The following SLC1A1 variants were observed in gnomAD, a reference collection of about 807,000 sequenced individuals.
SLC1A1 encodes the protein solute carrier family 1 member 1.
SLC1A1 carries 43 observed loss-of-function variants against 53.3 expected under a neutral mutation model. The ratio of observed to expected loss-of-function variants is 0.81; its 90% CI spans 0.63 to 1.04. The LOEUF (loss-of-function observed/expected upper bound fraction) is 1.04, where lower values mean the gene tolerates loss of function less well. Ranked by LOEUF, SLC1A1 falls within the 50% of genes least tolerant of loss-of-function variation. SLC1A1 has a pLI of 0.00. For missense variants in SLC1A1, 748 were observed against 664.9 expected (o/e 1.12, Z -1.37); for synonymous variants, 307 against 243.2 (o/e 1.26, Z -2.44).
At chr9:4,568,118 C>T (rs1046152148) in intron 6 of SLC1A1, among the ~76,000 whole-genome samples, 4 of 151,916 alleles carry the variant, frequency 2.6e-5, no homozygotes, top group African/African-American at 7.3e-5. Context: ...TTGCTGATTT[C>T]GCTGTTTGAA....
At chr9:4,543,239 G>A (rs948827916) in intron 1 of SLC1A1, among the ~76,000 whole-genome samples, 1 of 152,142 alleles carries the variant, frequency 6.6e-6, no homozygotes, top group Non-Finnish European at 1.5e-5. Flanking sequence ...AATTACTTGA[G>A]TTTTTAGGTT....
intron 1 of SLC1A1, among the ~76,000 whole-genome samples, chr9:4,492,114 CTA>C (rs1820256641): frequency 6.6e-6 from 1 of 152,050 alleles, no homozygotes; most frequent in Non-Finnish European, 1.5e-5. Flanking sequence ...CAAATCTTGA[CTA>C]TTTCCCCCAA....
intron 1 of SLC1A1, among the ~76,000 whole-genome samples, chr9:4,533,898 G>C (rs200254282): frequency 6.6e-6 from 1 of 152,040 alleles, no homozygotes; most frequent in Non-Finnish European, 1.5e-5. Context: ...ACTCAGGATT[G>C]AGAAACTCAC....
rs756706252 is a variant in SLC1A1 at position 4,490,639 on chromosome 9, G to T, written c.-41G>T. On this transcript the variant is annotated 5_prime_UTR_variant, in exon 1 of 12. Coordinates refer to ENST00000262352, the MANE Select transcript of SLC1A1 (RefSeq NM_004170.6). ...GCAGTCCCCGGGTCGCCCAGCCCAC[G>T]CGCGCACGGCCGAGCCCAGCGCACA... The T allele has an allele frequency of 6.4e-7, 1 of 1,569,494 alleles. No homozygotes were observed. The highest frequency in any genetic ancestry group is 8.7e-7 in the Non-Finnish European group (1 of 1,143,322).
chr9:4,581,404 T>C (rs1290427108), intron 10 of SLC1A1, among the ~76,000 whole-genome samples: 1 of 152,248 alleles, frequency 6.6e-6, no homozygotes, highest in Non-Finnish European at 1.5e-5. Flanking sequence ...TGAAGGTTCA[T>C]AGTTCTGAGT....
intron 1 of SLC1A1, among the ~76,000 whole-genome samples, chr9:4,532,010 G>C (rs1226968549): frequency 6.6e-6 from 1 of 152,134 alleles, no homozygotes; most frequent in African/African-American, 2.4e-5. Flanking sequence ...CCGTTAGAAG[G>C]AAAACTAACA....
At chr9:4,498,895 GT>G (rs1820534395) in intron 1 of SLC1A1, among the ~76,000 whole-genome samples, 1 of 145,640 alleles carries the variant, frequency 6.9e-6, no homozygotes, top group Admixed American at 7.0e-5. Context: ...CTCTGTCTCT[GT>G]ATATATTACA....
At chr9:4,512,635 T>C (rs966077533) in intron 1 of SLC1A1, among the ~76,000 whole-genome samples, 1 of 152,154 alleles carries the variant, frequency 6.6e-6, no homozygotes, top group African/African-American at 2.4e-5. Context: ...TTTCAAGATA[T>C]CAAGTGTAAT....
chr9:4,513,695 C>A (rs1821069151), intron 1 of SLC1A1, among the ~76,000 whole-genome samples: 1 of 152,198 alleles, frequency 6.6e-6, no homozygotes, highest in African/African-American at 2.4e-5. Flanking sequence ...CAGTCCCACT[C>A]CTGTGTATAG....
Position 4,549,722 on chromosome 9 carries a change from G to A in SLC1A1, c.232+5015G>A, listed in dbSNP as rs1021034551. Among the ~76,000 whole-genome samples, 8 of 152,084 alleles carry A rather than the reference G, an allele frequency of 5.3e-5. No homozygotes were observed. The highest frequency in any genetic ancestry group is 7.4e-5 in the Non-Finnish European group (5 of 68,016). On this transcript the variant is annotated intron_variant, in intron 2 of 11. Coordinates refer to ENST00000262352, the MANE Select transcript of SLC1A1 (RefSeq NM_004170.6). This position sits in a 1 kb window ranked among gnomAD's most constrained non-coding sequence, Gnocchi z 4.1. ...CCACTTCAGAGAAAACCCCCCTCAC[G>A]GCCACAGGGGGATAGCCTTTCCTCG...
At position 4,490,639 on chromosome 9, in the gene SLC1A1, G is replaced by C. The variant is rs756706252; in HGVS notation, c.-41G>C. 3 of 1,569,380 alleles carry C rather than the reference G, an allele frequency of 1.9e-6. 1 individual carries two copies. Among genetic ancestry groups the C allele is most frequent in the South Asian group, 2.2e-5 (2 of 89,198 alleles). ...GCAGTCCCCGGGTCGCCCAGCCCAC[G>C]CGCGCACGGCCGAGCCCAGCGCACA... On this transcript the variant is annotated 5_prime_UTR_variant, in exon 1 of 12. Transcript: ENST00000262352.
At chr9:4,544,930 G>T (rs1817342942) in intron 2 of SLC1A1, among the ~76,000 whole-genome samples, 1 of 152,168 alleles carries the variant, frequency 6.6e-6, no homozygotes, top group Admixed American at 6.5e-5. Context: ...GGCGAAGCAG[G>T]AAGAGCCCGT....
At chr9:4,554,799 C>T (rs1479691096) in intron 2 of SLC1A1, among the ~76,000 whole-genome samples, 1 of 152,194 alleles carries the variant, frequency 6.6e-6, no homozygotes, top group East Asian at 1.9e-4. Context: ...TAAAGGATCT[C>T]TTTAGTGACC....
chr9:4,498,248 ACTG>A (rs1403618741), intron 1 of SLC1A1, among the ~76,000 whole-genome samples: 8 of 152,164 alleles, frequency 5.3e-5, no homozygotes, highest in African/African-American at 1.9e-4. Context: ...CTGTGTTTGA[ACTG>A]CTGATCAGTG....
intron 1 of SLC1A1, among the ~76,000 whole-genome samples, chr9:4,519,603 G>A (rs766965692): frequency 6.6e-6 from 1 of 152,138 alleles, no homozygotes; most frequent in Non-Finnish European, 1.5e-5. Flanking sequence ...CTTCCTGCAG[G>A]CCAAGGGCAG....
At chr9:4,560,085 G>C (rs1421608344) in intron 2 of SLC1A1, 1 of 152,180 alleles carries the variant, frequency 6.6e-6, no homozygotes, top group African/African-American at 2.4e-5. Context: ...ATGATCGTAA[G>C]TCTCTGACAT....
intron 2 of SLC1A1, among the ~76,000 whole-genome samples, chr9:4,558,221 G>C (rs1818606639): frequency 6.6e-6 from 1 of 152,104 alleles, no homozygotes; most frequent in African/African-American, 2.4e-5. Context: ...CTCTATGGTG[G>C]TCACCACCCT....
intron 2 of SLC1A1, among the ~76,000 whole-genome samples, chr9:4,547,942 T>G (rs1016055601): frequency 6.6e-6 from 1 of 152,176 alleles, no homozygotes; most frequent in Non-Finnish European, 1.5e-5. Context: ...AACAGGATAG[T>G]GTATACAATC....
Position 4,571,602 on chromosome 9 carries a change from G to A in SLC1A1, c.583-602G>A, listed in dbSNP as rs1037552308. Among the ~76,000 whole-genome samples, 9 of 152,188 alleles carry A rather than the reference G, an allele frequency of 5.9e-5. No individual in the cohort carries two copies. The East Asian group carries it at 1.4e-3, about 23-fold the overall frequency. ...TGAGGCAGGAGAATTGCTTGAACCCGGGAGGTGGAGGTTGCAGTGAACTGA... is the reference window on the plus strand; with the variant it reads ...TGAGGCAGGAGAATTGCTTGAACCCAGGAGGTGGAGGTTGCAGTGAACTGA... On this transcript the variant is annotated intron_variant, in intron 6 of 11. Coordinates refer to ENST00000262352, the MANE Select transcript of SLC1A1 (RefSeq NM_004170.6).
Sources: gnomAD v4.1 joint callset for allele counts (sites outside exome capture counted in the v4.1 genomes callset) on GRCh38, gnomAD v4.1.1 for gene constraint, Gnocchi (gnomAD v3.1) non-coding constraint, MANE v1.5 for transcripts, NCBI Gene and HGNC (gene_info 2026-07-23, HGNC 2026-07-21) for gene names.